The following CRAMP1 variants were observed in gnomAD, a reference collection of about 807,000 sequenced individuals.
CRAMP1 encodes cramped chromatin regulator 1, also known as protein cramped-like.
Under a neutral mutation model 115.4 loss-of-function variants are expected in CRAMP1, and 50 were observed. The observed-to-expected ratio is 0.43, with a 90% CI of 0.35 to 0.55. The LOEUF (loss-of-function observed/expected upper bound fraction) is 0.55, where lower values mean the gene tolerates loss of function less well. CRAMP1 is among the 20% of genes least tolerant of loss of function. The pLI, the probability that CRAMP1 is intolerant of heterozygous loss-of-function variation, is 0.01. For missense variants in CRAMP1, 1,679 were observed against 1,721.7 expected (o/e 0.98, Z 0.44); for synonymous variants, 866 against 745.4 (o/e 1.16, Z -2.64).
chr16:1,622,753 C>CTT lies in CRAMP1; in HGVS notation c.347-3202_347-3201dup, dbSNP rs936343370. 7.8e-4 allele frequency among the ~76,000 whole-genome samples: 101 copies of CTT among 129,328 alleles called. 4 individuals are homozygous for CTT. The highest frequency in any genetic ancestry group is 2.2e-3 in the African/African-American group (75 of 34,748). The allele number at this position is 129,328 out of a possible 152,430, so 84.8% of individuals were successfully genotyped here. On this transcript the variant is annotated intron_variant, in intron 2 of 20. Coordinates refer to ENST00000397412, the MANE Select transcript of CRAMP1 (RefSeq NM_020825.4). ...GTGTGCCACCACGCCCGGCAGTCTA[C>CTT]TTTTTTTTTTTTTTTTTTTCTTTTT...
chr16:1,666,457 C>A lies in CRAMP1; in HGVS notation c.2893C>A (p.Leu965Ile). The change falls in exon 16 of 21, where the codon CTT becomes ATT. Residue 965 changes from leucine (L) to isoleucine (I), a missense_variant. Around this residue, in one of 8 missense-constraint regions of CRAMP1, gnomAD observed 709 missense variants for 741.9 expected, o/e 0.96. Coordinates refer to ENST00000397412, the MANE Select transcript of CRAMP1 (RefSeq NM_020825.4). This position sits in a 1 kb window ranked among gnomAD's most constrained non-coding sequence, Gnocchi z 5.0. ...IDLAATSAGI[L>I]SGNPLPALDT... Reference sequence around the variant, plus strand: ...CTTAGCAGCTACAAGTGCCGGCATCCTTTCCGGGAACCCCCTCCCTGCCTT... The same window carrying A: ...CTTAGCAGCTACAAGTGCCGGCATCATTTCCGGGAACCCCCTCCCTGCCTT... 1 of 1,613,840 alleles carries A rather than the reference C, an allele frequency of 6.2e-7. No individual in the cohort carries two copies.
chr16:1,638,736 G>T (rs530949983), intron 5 of CRAMP1, among the ~76,000 whole-genome samples: 1 of 152,260 alleles, frequency 6.6e-6, no homozygotes, highest in East Asian at 1.9e-4. Flanking sequence ...AGCTCAGGGC[G>T]GGTGGTGGGG....
intron 3 of CRAMP1, among the ~76,000 whole-genome samples, chr16:1,630,797 C>T (rs1404280054): frequency 6.6e-6 from 1 of 152,206 alleles, no homozygotes; most frequent in Non-Finnish European, 1.5e-5. Flanking sequence ...TAGAATGTCC[C>T]TTGTGTCAGT....
At chr16:1,651,723 G>C (rs1191109181) in intron 6 of CRAMP1, among the ~76,000 whole-genome samples, 1 of 150,074 alleles carries the variant, frequency 6.7e-6, no homozygotes, top group African/African-American at 2.5e-5. Flanking sequence ...AGGTCACCTA[G>C]AGGTGGATTG....
At chr16:1,630,918 T>G (rs1438926286) in intron 3 of CRAMP1, among the ~76,000 whole-genome samples, 4 of 152,214 alleles carry the variant, frequency 2.6e-5, no homozygotes, top group East Asian at 1.9e-4. Flanking sequence ...GCCCGTGGTG[T>G]TCTTTCTGTC....
chr16:1,615,027 G>A, intron 2 of CRAMP1, 42 bp downstream of exon 2: 2 of 1,152,890 alleles, frequency 1.7e-6, no homozygotes, highest in Non-Finnish European at 2.2e-6. Context: ...GCCCCTCTCC[G>A]GGGTGTGCCG....
intron 4 of CRAMP1, among the ~76,000 whole-genome samples, chr16:1,633,726 C>T (rs1325846641): frequency 5.9e-5 from 9 of 152,160 alleles, no homozygotes; most frequent in African/African-American, 1.4e-4. Context: ...TTTTCATTGT[C>T]GGCCTCTTCC....
At chr16:1,647,922 G>A (rs1012404410) in intron 6 of CRAMP1, among the ~76,000 whole-genome samples, 5 of 150,682 alleles carry the variant, frequency 3.3e-5, no homozygotes, top group African/African-American at 1.2e-4. Context: ...GGATGGGGAG[G>A]TATGGACCCA....
At chr16:1,664,964 G>A (rs1022280927) in intron 13 of CRAMP1, 93 bp from the exon 14 acceptor site, 2 of 864,872 alleles carry the variant, frequency 2.3e-6, no homozygotes, top group Non-Finnish European at 2.0e-6. Flanking sequence ...GCTATGCTGG[G>A]CACCCTCTTA....
At position 1,614,927 on chromosome 16, in the gene CRAMP1, G is replaced by A; in HGVS notation, c.288G>A (p.Lys96=). ...SVRPQSKRPR[K]DPPSAVGSGN... is the part of the protein sequence containing the mutation. ...GGCCGCAGAGCAAGAGGCCCAGGAAGGATCCTCCGAGCGCTGTGGGGAGCG... is the reference window on the plus strand; with the variant it reads ...GGCCGCAGAGCAAGAGGCCCAGGAAAGATCCTCCGAGCGCTGTGGGGAGCG... Residue 96 remains lysine, a synonymous_variant, in exon 2 of 21, where the codon AAG becomes AAA. Transcript: ENST00000397412. This position sits in a 1 kb window ranked among gnomAD's most constrained non-coding sequence, Gnocchi z 4.4. The A allele has an allele frequency of 7.7e-7, 1 of 1,291,934 alleles. No homozygotes were observed. Among genetic ancestry groups the A allele is most frequent in the Non-Finnish European group, 9.8e-7 (1 of 1,021,752 alleles). 80.0% of individuals were successfully genotyped at this position (1,291,934 alleles called of 1,614,324 possible).
intron 2 of CRAMP1, among the ~76,000 whole-genome samples, chr16:1,623,711 C>T (rs1404274286): frequency 1.3e-5 from 2 of 152,158 alleles, no homozygotes; most frequent in Non-Finnish European, 2.9e-5. Context: ...CGTGAGGAAT[C>T]CAGGCTCCTA....
At position 1,646,128 on chromosome 16, in the gene CRAMP1, C is replaced by A. The variant is rs527667715; in HGVS notation, c.827+4941C>A. Reference sequence around the variant, plus strand: ...CAGCTTATACTTTCACCTGCTGAGTCATGTTCCACAGTGTTGACATGCTGC... The same window carrying A: ...CAGCTTATACTTTCACCTGCTGAGTAATGTTCCACAGTGTTGACATGCTGC... On this transcript the variant is annotated intron_variant, in intron 6 of 20. Coordinates refer to ENST00000397412, the MANE Select transcript of CRAMP1 (RefSeq NM_020825.4). 2.0e-5 allele frequency among the ~76,000 whole-genome samples: 3 copies of A among 152,332 alleles called. No individual in the cohort carries two copies. In the East Asian group the frequency reaches 5.8e-4, roughly 29 times the overall value.
Position 1,676,124 on chromosome 16 carries a change from GC to G in CRAMP1, c.*2081del, listed in dbSNP as rs1415315235. ...CCAGGGACAGGAGGGTTTGTGAACTGCCTGTCAGGGTACCTGTTAGCCCCTG... is the reference window on the plus strand; with the variant it reads ...CCAGGGACAGGAGGGTTTGTGAACTGCTGTCAGGGTACCTGTTAGCCCCTG... On this transcript the variant is annotated 3_prime_UTR_variant, in exon 21 of 21. Coordinates refer to ENST00000397412, the MANE Select transcript of CRAMP1 (RefSeq NM_020825.4). 1 of 152,280 alleles carries G rather than the reference GC, an allele frequency of 6.6e-6. No individual in the cohort carries two copies. Among genetic ancestry groups the G allele is most frequent in the Non-Finnish European group, 1.5e-5 (1 of 68,092 alleles). The allele number at this position is 152,280 out of a possible 1,614,324, so 9.4% of individuals were successfully genotyped here.
At chr16:1,621,562 C>A (rs1186989829) in intron 2 of CRAMP1, among the ~76,000 whole-genome samples, 1 of 152,166 alleles carries the variant, frequency 6.6e-6, no homozygotes, top group Non-Finnish European at 1.5e-5. Context: ...TGGGTCCCAG[C>A]AGCCTGGGGT....
chr16:1,634,355 A>G (rs939349887), intron 4 of CRAMP1, among the ~76,000 whole-genome samples: 1 of 152,218 alleles, frequency 6.6e-6, no homozygotes, highest in African/African-American at 2.4e-5. Context: ...GTCAAAGCAA[A>G]CATTTCTTTT....
At chr16:1,621,080 C>A (rs2036462064) in intron 2 of CRAMP1, among the ~76,000 whole-genome samples, 1 of 152,210 alleles carries the variant, frequency 6.6e-6, no homozygotes, top group Non-Finnish European at 1.5e-5. Flanking sequence ...TACTTCCAGG[C>A]CTGCTGGGCA....
At position 1,666,460 on chromosome 16, in the gene CRAMP1, T is replaced by C. The variant is rs1283758548; in HGVS notation, c.2896T>C (p.Ser966Pro). 1 of 1,613,850 alleles carries C rather than the reference T, an allele frequency of 6.2e-7. No homozygotes were observed. The highest frequency in any genetic ancestry group is 1.7e-5 in the Admixed American group (1 of 59,996). The part of the protein sequence containing the change: ...DLAATSAGIL[S>P]GNPLPALDTE... ...AGCAGCTACAAGTGCCGGCATCCTT[T>C]CCGGGAACCCCCTCCCTGCCTTGGA... The change falls in exon 16 of 21, where the codon TCC (serine) becomes CCC (proline). Residue 966 changes from serine to proline, a missense_variant. By Grantham distance (74) the Ser-to-Pro change is moderately conservative. This residue lies in a region of CRAMP1 where 709 missense variants were observed against 741.9 expected (regional missense o/e 0.96). Coordinates refer to ENST00000397412, the MANE Select transcript of CRAMP1 (RefSeq NM_020825.4). This position sits in a 1 kb window ranked among gnomAD's most constrained non-coding sequence, Gnocchi z 5.0.
At chr16:1,655,089 C>A in intron 8 of CRAMP1, 130 bp from the exon 9 acceptor site, 1 of 736,650 alleles carries the variant, frequency 1.4e-6, no homozygotes, top group Non-Finnish European at 2.4e-6. Flanking sequence ...CAGACGCCCG[C>A]TCCCGGGTGC....
Position 1,656,800 on chromosome 16 carries a change from G to A in CRAMP1, c.2043G>A (p.Gln681=). The A allele has an allele frequency of 6.5e-7, 1 of 1,548,562 alleles. No individual in the cohort carries two copies. Residue 681 remains glutamine, a synonymous_variant, in exon 10 of 21, where the codon CAG becomes CAA. Coordinates refer to ENST00000397412, the MANE Select transcript of CRAMP1 (RefSeq NM_020825.4). The surrounding 1 kb of genome is among the most constrained non-coding windows in gnomAD (Gnocchi z 5.6). The stretch of plus-strand genomic sequence containing the variant: ...TCCGTGAGGAGGGCTGGAACCTGCA[G>A]ACCTCCGAAAGCCTCACGCTGGCCG... ...QQLREEGWNL[Q]TSESLTLAEV...
Sources: gnomAD v4.1 joint callset for allele counts (sites outside exome capture counted in the v4.1 genomes callset) on GRCh38, gnomAD v4.1.1 for gene constraint, gnomAD v4.1.1 regional missense constraint, Gnocchi (gnomAD v3.1) non-coding constraint, MANE v1.5 for transcripts, NCBI Gene and HGNC (gene_info 2026-07-23, HGNC 2026-07-21) for gene names.